NINJ2: variants seen among roughly 807,000 people sequenced by gnomAD.
NINJ2 encodes ninjurin 2, also known as ninjurin-2.
A neutral mutation model predicts 11.7 loss-of-function variants in NINJ2; 12 were observed. That is an observed-to-expected ratio of 1.02 (90% confidence interval 0.66 to 1.66). The LOEUF (loss-of-function observed/expected upper bound fraction) is 1.66, where lower values mean the gene tolerates loss of function less well. Ranked by LOEUF, NINJ2 falls within the 40% of genes most tolerant of loss-of-function variation. NINJ2 has a pLI of 0.00. For missense variants in NINJ2, 187 were observed against 181.8 expected, an observed-to-expected ratio of 1.03 and a Z score of -0.16; for synonymous variants, 93 against 76.8, an observed-to-expected ratio of 1.21 and a Z score of -1.10.
intron 1 of NINJ2, among the ~76,000 whole-genome samples, chr12:594,827 G>A (rs938189880): frequency 2.8e-4 from 43 of 152,050 alleles, no homozygotes; most frequent in African/African-American, 9.2e-4. Flanking sequence ...TCAACAAACC[G>A]ATTCTAAAGT....
At chr12:596,180 C>T (rs1947782753) in intron 1 of NINJ2, among the ~76,000 whole-genome samples, 1 of 152,208 alleles carries the variant, frequency 6.6e-6, no homozygotes. Context: ...GAACTCAAAA[C>T]TTACGTTCAC....
chr12:598,342 C>T (rs971570789), intron 1 of NINJ2, among the ~76,000 whole-genome samples: 5 of 152,188 alleles, frequency 3.3e-5, no homozygotes, highest in African/African-American at 1.2e-4. Flanking sequence ...CATTCCGCCC[C>T]CACCCTCCTC....
At chr12:601,300 A>T (rs768825826) in intron 1 of NINJ2, among the ~76,000 whole-genome samples, 2 of 152,318 alleles carry the variant, frequency 1.3e-5, no homozygotes, top group African/African-American at 4.8e-5. Flanking sequence ...TAATCCCAGC[A>T]CTTTGGGAGG....
chr12:610,224 A>C, intron 1 of NINJ2: 1 of 812,132 alleles, frequency 1.2e-6, no homozygotes, highest in Non-Finnish European at 2.0e-6. Context: ...CAGCAGACAC[A>C]GAATCAATGC....
intron 1 of NINJ2, chr12:644,877 A>G (rs374350540): frequency 3.9e-5 from 6 of 152,170 alleles, no homozygotes; most frequent in African/African-American, 9.7e-5. Context: ...CCCTGGCCCC[A>G]GTGGGTTTGG....
At chr12:569,558 T>TC (rs1371894660) in intron 1 of NINJ2, among the ~76,000 whole-genome samples, 2 of 151,730 alleles carry the variant, frequency 1.3e-5, no homozygotes, top group Admixed American at 1.3e-4. Context: ...CAGACCCCCT[T>TC]CCCCCCAAAT....
intron 1 of NINJ2, among the ~76,000 whole-genome samples, chr12:641,860 A>G (rs971127630): frequency 6.6e-6 from 1 of 151,848 alleles, no homozygotes; most frequent in East Asian, 1.9e-4. Context: ...AAAAAAAAAA[A>G]AAGCAGGCTG....
chr12:646,574 G>A (rs558003471), intron 1 of NINJ2, among the ~76,000 whole-genome samples: 2 of 152,184 alleles, frequency 1.3e-5, no homozygotes, highest in East Asian at 3.9e-4. Context: ...GGAAGGGTGC[G>A]GCATTAAAGA....
chr12:581,993 T>C lies in NINJ2; in HGVS notation c.34-15815A>G, dbSNP rs1217065527. Among the ~76,000 whole-genome samples, 1 of 152,118 alleles carries C rather than the reference T, an allele frequency of 6.6e-6. No homozygotes were observed. Among genetic ancestry groups the C allele is most frequent in the Non-Finnish European group, 1.5e-5 (1 of 68,008 alleles). On this transcript the variant is annotated intron_variant, in intron 1 of 3. Transcript: ENST00000305108. This position sits in a 1 kb window ranked among gnomAD's most constrained non-coding sequence, Gnocchi z 4.9. ...TCCCTGGCTCCCTGCACTGACCCCATGTGCGGCCAGGCTCCCTGTGCATCC... is the reference window on the plus strand; with the variant it reads ...TCCCTGGCTCCCTGCACTGACCCCACGTGCGGCCAGGCTCCCTGTGCATCC...
At chr12:635,681 T>C (rs1001005284) in intron 1 of NINJ2, among the ~76,000 whole-genome samples, 5 of 152,198 alleles carry the variant, frequency 3.3e-5, no homozygotes, top group African/African-American at 1.2e-4. Context: ...CACAATGATT[T>C]CTAGAATATG....
Position 566,094 on chromosome 12 carries a change from C to T in NINJ2, c.118G>A (p.Val40Met), listed in dbSNP as rs571713497. The T allele has an allele frequency of 5.0e-6, 8 of 1,614,102 alleles. No individual in the cohort carries two copies. The highest frequency in any genetic ancestry group is 3.3e-5 in the South Asian group (3 of 91,066). ...KKSVAESMLD[V>M]ALFMSNAMRL... Reference sequence around the variant, plus strand: ...ATGGCGTTGGACATGAACAGGGCCACGTCCAGCATGCTCTCCGCCACGCTC... The same window carrying T: ...ATGGCGTTGGACATGAACAGGGCCATGTCCAGCATGCTCTCCGCCACGCTC... The change falls in exon 2 of 4, where the codon GTG (valine) becomes ATG (methionine). Residue 40 changes from valine to methionine, a missense_variant. Coordinates refer to ENST00000305108, the MANE Select transcript of NINJ2 (RefSeq NM_016533.6).
intron 1 of NINJ2, among the ~76,000 whole-genome samples, chr12:655,640 C>T (rs527893824): frequency 2.0e-4 from 31 of 152,224 alleles, no homozygotes; most frequent in East Asian, 7.7e-4. Flanking sequence ...GGGACAAGCG[C>T]GGTGGCTCAC....
chr12:601,397 A>T (rs1323949579), intron 1 of NINJ2, among the ~76,000 whole-genome samples: 2 of 151,422 alleles, frequency 1.3e-5, no homozygotes, highest in Non-Finnish European at 2.9e-5. Context: ...ATACAAAAAA[A>T]ATTAGCCAGG....
At chr12:593,755 TGAG>T (rs1012908130) in intron 1 of NINJ2, among the ~76,000 whole-genome samples, 3 of 147,078 alleles carry the variant, frequency 2.0e-5, no homozygotes, top group African/African-American at 7.6e-5. Flanking sequence ...AGGAAGAGGA[TGAG>T]GAGAAGGAGG....
intron 1 of NINJ2, among the ~76,000 whole-genome samples, chr12:662,440 C>T (rs1386904510): frequency 2.8e-5 from 4 of 142,602 alleles, no homozygotes; most frequent in Middle Eastern, 3.5e-3. Context: ...GAGACGCGTG[C>T]ACATACTCTG....
intron 1 of NINJ2, among the ~76,000 whole-genome samples, chr12:639,265 C>CCCA (rs1948392045): frequency 6.6e-6 from 1 of 152,144 alleles, no homozygotes; most frequent in African/African-American, 2.4e-5. Flanking sequence ...TGCCACAATA[C>CCCA]TAGTCACACT....
chr12:582,093 G>A (rs754920149), intron 1 of NINJ2, among the ~76,000 whole-genome samples: 49 of 152,180 alleles, frequency 3.2e-4, no homozygotes, highest in Non-Finnish European at 4.9e-4. Context: ...AAGTCACACG[G>A]CTAGGAGATC....
chr12:581,659 A>G lies in NINJ2; in HGVS notation c.34-15481T>C, dbSNP rs1947557517. On this transcript the variant is annotated intron_variant, in intron 1 of 3. Transcript: ENST00000305108. The surrounding 1 kb of genome is among the most constrained non-coding windows in gnomAD (Gnocchi z 4.9). ...CAGGGTCTGCTCTGGGGAGAAGGTA[A>G]GCAGGGGAGGGCCGGCAAGTGGGTG... 6.6e-6 allele frequency among the ~76,000 whole-genome samples: 1 copy of G among 152,112 alleles called. No individual in the cohort carries two copies. The highest frequency in any genetic ancestry group is 6.5e-5 in the Admixed American group (1 of 15,268).
chr12:609,621 A>AT (rs71045083), intron 1 of NINJ2, among the ~76,000 whole-genome samples: 4 of 151,650 alleles, frequency 2.6e-5, no homozygotes, highest in African/African-American at 9.7e-5. Context: ...TACAAAAAAA[A>AT]TTAGCCGGGC....
Sources: gnomAD v4.1 joint callset for allele counts (sites outside exome capture counted in the v4.1 genomes callset) on GRCh38, gnomAD v4.1.1 for gene constraint, Gnocchi (gnomAD v3.1) non-coding constraint, MANE v1.5 for transcripts, NCBI Gene and HGNC (gene_info 2026-07-23, HGNC 2026-07-21) for gene names.